ABL1: variants seen among roughly 807,000 people sequenced by gnomAD.
ABL1 encodes the protein tyrosine-protein kinase ABL1.
ABL1 carries 11 observed loss-of-function variants against 94.7 expected under a neutral mutation model. That is an observed-to-expected ratio of 0.12 (90% CI 0.07 to 0.19). ABL1 has a LOEUF of 0.19. Ranked by LOEUF, ABL1 falls within the 10% of genes least tolerant of loss-of-function variation. The pLI, the probability that ABL1 is intolerant of heterozygous loss-of-function variation, is 1.00. For synonymous variants in ABL1, 656 were observed against 622.4 expected (o/e 1.05, Z -0.80); for missense variants, 1,082 against 1,489.4 (o/e 0.73, Z 4.50).
Position 130,884,141 on chromosome 9 carries a change from C to A in ABL1, c.1851C>A (p.Arg617=). The part of the protein sequence containing the change: ...KKKTAPTPPK[R]SSSFREMDGQ... Reference sequence around the variant, plus strand: ...AGACAGCCCCAACCCCTCCCAAACGCAGCAGCTCCTTCCGGGAGATGGACG... The same window carrying A: ...AGACAGCCCCAACCCCTCCCAAACGAAGCAGCTCCTTCCGGGAGATGGACG... Residue 617 remains arginine, a synonymous_variant, in exon 11 of 11, where the codon CGC becomes CGA. Coordinates refer to ENST00000318560, the MANE Select transcript of ABL1 (RefSeq NM_005157.6). The surrounding 1 kb of genome is among the most constrained non-coding windows in gnomAD (Gnocchi z 5.6). 6.2e-7 allele frequency: 1 copy of A among 1,613,596 alleles called. No homozygotes were observed. Among genetic ancestry groups the A allele is most frequent in the Non-Finnish European group, 8.5e-7 (1 of 1,180,022 alleles).
intron 1 of ABL1, among the ~76,000 whole-genome samples, chr9:130,729,995 G>A (rs1831641041): frequency 6.7e-6 from 1 of 148,426 alleles, no homozygotes; most frequent in South Asian, 2.1e-4. Context: ...CACCTGCCTT[G>A]GCCCCCCAAA....
intron 1 of ABL1, among the ~76,000 whole-genome samples, chr9:130,727,911 C>T (rs1442872133): frequency 6.6e-6 from 1 of 151,852 alleles, no homozygotes; most frequent in African/African-American, 2.4e-5. Context: ...TGGAAATGAT[C>T]AATAAAACCA....
intron 1 of ABL1, among the ~76,000 whole-genome samples, chr9:130,752,503 C>G (rs2791734): frequency 0.53 from 81,100 of 151,974 alleles, 23,580 homozygotes; most frequent in African/African-American, 0.77. Context: ...TAGAATGCCT[C>G]TATGGTGAAT....
rs1830378185 is a variant in ABL1, at chr9:130,822,726, T to A, written c.137-31338T>A. On this transcript the variant is annotated intron_variant, in intron 1 of 10. Coordinates refer to the ABL1 transcript ENST00000372348. Reference sequence around the variant, plus strand: ...TGGTGACCTGTCAATTCAAATCTTTTGCCTATTTTTTTTTATTAAGTTTGT... The same window carrying A: ...TGGTGACCTGTCAATTCAAATCTTTAGCCTATTTTTTTTTATTAAGTTTGT... Among the ~76,000 whole-genome samples the A allele has an allele frequency of 2.6e-5, 4 of 152,138 alleles. No homozygotes were observed. In the South Asian group the frequency reaches 8.3e-4, roughly 32 times the overall value.
chr9:130,735,901 G>GTGTA (rs199678835), intron 1 of ABL1, among the ~76,000 whole-genome samples: 1 of 94,088 alleles, frequency 1.1e-5, no homozygotes, highest in African/African-American at 6.9e-5. Flanking sequence ...GTATATATAT[G>GTGTA]TGTGTGTATA....
At chr9:130,871,401 A>G (rs961509795) in intron 4 of ABL1, among the ~76,000 whole-genome samples, 1 of 152,170 alleles carries the variant, frequency 6.6e-6, no homozygotes, top group Non-Finnish European at 1.5e-5. Flanking sequence ...TCCCGGGCCC[A>G]TGCTCCTATC....
chr9:130,885,638 G>T lies in ABL1; in HGVS notation c.3348G>T (p.Lys1116Asn). Residue 1116 changes from lysine (K) to asparagine (N), a missense_variant, in exon 11 of 11, where the codon AAG (lysine) becomes AAT (asparagine). Lys to Asn is a moderately conservative substitution (Grantham distance 94, BLOSUM62 0). Transcript: ENST00000318560. Reference sequence around the variant, plus strand: ...CAGCGGCCACTCAGGACTTCAGCAAGCTCCTCAGTTCGGTGAAGGAAATCA... The same window carrying T: ...CAGCGGCCACTCAGGACTTCAGCAATCTCCTCAGTTCGGTGAAGGAAATCA... ...SGPAATQDFS[K>N]LLSSVKEISD... The T allele has an allele frequency of 6.2e-7, 1 of 1,613,214 alleles. No homozygotes were observed. The highest frequency in any genetic ancestry group is 8.5e-7 in the Non-Finnish European group (1 of 1,179,878).
rs146910164 is a variant in ABL1, at chr9:130,792,019, A to G, written c.137-62045A>G. 3.3e-5 allele frequency among the ~76,000 whole-genome samples: 5 copies of G among 152,330 alleles called. No homozygotes were observed. The East Asian group carries it at 7.7e-4, about 23-fold the overall frequency. ...TAAAATTTAAGACAACATTAAGTTG[A>G]TCCAGAGAGATGCATTAACTTGCCT... On this transcript the variant is annotated intron_variant, in intron 1 of 10. Coordinates refer to the ABL1 transcript ENST00000372348.
In ABL1 at chr9:130,880,386, T is replaced by C; in HGVS notation, c.1514-114T>C. ...CTCCGGTATCCACGTGCCTTTTCTT[T>C]AGTTGTATGCAGATGAGCACTGTTA... On this transcript the variant is annotated intron_variant, in intron 9 of 10. Coordinates refer to ENST00000318560, the MANE Select transcript of ABL1 (RefSeq NM_005157.6). This position sits in a 1 kb window ranked among gnomAD's most constrained non-coding sequence, Gnocchi z 4.4. The C allele has an allele frequency of 1.1e-5, 15 of 1,324,108 alleles. No individual in the cohort carries two copies. The highest frequency in any genetic ancestry group is 1.6e-5 in the Non-Finnish European group (15 of 956,674). 82.0% of individuals were successfully genotyped at this position (1,324,108 alleles called of 1,614,324 possible).
intron 1 of ABL1, among the ~76,000 whole-genome samples, chr9:130,744,334 G>C (rs2855163): frequency 6.6e-6 from 1 of 150,742 alleles, no homozygotes; most frequent in Non-Finnish European, 1.5e-5. Context: ...GTAGAGATGG[G>C]GTTTCACCGT....
In ABL1 at chr9:130,880,490, T is replaced by C. The variant is rs1831432549; in HGVS notation, c.1514-10T>C. ...CTGGATTTTTGTTTCTGTCCCTGTA[T>C]GATTCTTAGAAGTGGAAAAGGAGCT... On this transcript the variant is annotated splice_polypyrimidine_tract_variant and intron_variant, in intron 9 of 10. Coordinates refer to ENST00000318560, the MANE Select transcript of ABL1 (RefSeq NM_005157.6). This position sits in a 1 kb window ranked among gnomAD's most constrained non-coding sequence, Gnocchi z 4.4. 1.1e-5 allele frequency: 18 copies of C among 1,613,732 alleles called. No individual in the cohort carries two copies. The highest frequency in any genetic ancestry group is 1.4e-5 in the Non-Finnish European group (17 of 1,179,822).
chr9:130,865,576 G>A lies in ABL1; in HGVS notation c.822+2541G>A, dbSNP rs144325914. Among the ~76,000 whole-genome samples the A allele has an allele frequency of 2.8e-3, 427 of 152,100 alleles. 2 individuals are homozygous for A. Among genetic ancestry groups the A allele is most frequent in the African/African-American group, 0.01 (417 of 41,492 alleles). ...AGCCTGGGCAACATGGCAAAACTCT[G>A]CCTCTACAAAAAATACCAAAAATCA... On this transcript the variant is annotated intron_variant, in intron 4 of 10. Transcript: ENST00000318560.
intron 1 of ABL1, among the ~76,000 whole-genome samples, chr9:130,774,515 G>A (rs969757577): frequency 2.0e-5 from 3 of 152,068 alleles, no homozygotes; most frequent in Admixed American, 2.0e-4. Context: ...AGAATAAGCT[G>A]TTGGCAGAAT....
At chr9:130,713,602 C>CCTCTA (rs1831398646) in exon 1 of ABL1, among the ~76,000 whole-genome samples, 1 of 152,202 alleles carries the variant, frequency 6.6e-6, no homozygotes, top group Admixed American at 6.5e-5. Context: ...CTCCCGCGAG[C>CCTCTA]CTCTAATGCC....
chr9:130,722,993 G>A (rs116008154), intron 1 of ABL1, among the ~76,000 whole-genome samples: 313 of 152,304 alleles, frequency 2.1e-3, no homozygotes, highest in African/African-American at 7.0e-3. Flanking sequence ...GCAAATAGAA[G>A]CATTTTTTGA....
intron 1 of ABL1, among the ~76,000 whole-genome samples, chr9:130,757,711 T>G (rs1588226771): frequency 2.0e-5 from 3 of 151,562 alleles, no homozygotes; most frequent in African/African-American, 7.3e-5. Flanking sequence ...GCTAATTTTT[T>G]TTGTATTTTG....
chr9:130,723,642 A>G (rs1415836825), intron 1 of ABL1, among the ~76,000 whole-genome samples: 1 of 151,992 alleles, frequency 6.6e-6, no homozygotes, highest in Non-Finnish European at 1.5e-5. Flanking sequence ...CATATTTTAC[A>G]TCTCTGGTCC....
In ABL1 at chr9:130,875,034, A is replaced by C; in HGVS notation, c.1252A>C (p.Ile418Leu). The C allele has an allele frequency of 6.2e-7, 1 of 1,614,182 alleles. No homozygotes were observed. The highest frequency in any genetic ancestry group is 1.1e-5 in the South Asian group (1 of 91,074). The change falls in exon 7 of 11, where the codon ATC becomes CTC. Residue 418 changes from isoleucine to leucine, a missense_variant. This residue lies in a region of ABL1 where 76 missense variants were observed against 177.1 expected (regional missense o/e 0.43). Coordinates refer to ENST00000318560, the MANE Select transcript of ABL1 (RefSeq NM_005157.6). The part of the protein sequence containing the change: ...PESLAYNKFS[I>L]KSDVWAFGVL... Reference sequence around the variant, plus strand: ...GAGCCTGGCCTACAACAAGTTCTCCATCAAGTCCGACGTCTGGGGTAAGGG... The same window carrying C: ...GAGCCTGGCCTACAACAAGTTCTCCCTCAAGTCCGACGTCTGGGGTAAGGG...
chr9:130,755,712 C>CT (rs1305586162), intron 1 of ABL1, among the ~76,000 whole-genome samples: 2 of 152,210 alleles, frequency 1.3e-5, no homozygotes, highest in African/African-American at 4.8e-5. Flanking sequence ...AACCAGAACT[C>CT]TGTTTTCTTG....
Sources: allele counts gnomAD v4.1 joint callset (sites outside exome capture counted in the v4.1 genomes callset), GRCh38; gene constraint gnomAD v4.1.1; regional missense constraint gnomAD v4.1.1; non-coding constraint Gnocchi (gnomAD v3.1); transcripts MANE v1.5; gene names NCBI Gene and HGNC (gene_info 2026-07-23, HGNC 2026-07-21).